ZCCHC7: variants seen among roughly 807,000 people sequenced by gnomAD.
ZCCHC7 encodes the protein zinc finger CCHC-type containing 7, also known as zinc finger CCHC domain-containing protein 7.
A neutral mutation model predicts 52.0 loss-of-function variants in ZCCHC7; 35 were observed. The observed-to-expected ratio is 0.67, with a 90% confidence interval of 0.51 to 0.89. The LOEUF is 0.89. ZCCHC7 is among the 40% of genes least tolerant of loss of function. ZCCHC7 has a pLI of 0.00. For synonymous variants in ZCCHC7, 217 were observed against 221.5 expected (o/e 0.98, Z 0.18); for missense variants, 574 against 649.1 (o/e 0.88, Z 1.26).
intron 2 of ZCCHC7, among the ~76,000 whole-genome samples, chr9:37,181,982 C>T (rs1822381328): frequency 6.6e-6 from 1 of 152,046 alleles, no homozygotes; most frequent in African/African-American, 2.4e-5. Flanking sequence ...CTGTGCCCAG[C>T]CCAAACAGAT....
chr9:37,312,228 C>T (rs1012932487), intron 5 of ZCCHC7, among the ~76,000 whole-genome samples: 8 of 152,164 alleles, frequency 5.3e-5, no homozygotes, highest in African/African-American at 1.7e-4. Context: ...TGTGTAATGG[C>T]GGTTCTACCT....
chr9:37,128,210 A>G (rs1314520275), intron 2 of ZCCHC7, among the ~76,000 whole-genome samples: 1 of 152,216 alleles, frequency 6.6e-6, no homozygotes, highest in East Asian at 1.9e-4. Flanking sequence ...GTGTTGTTGA[A>G]TTATTCCTAA....
chr9:37,201,611 A>G (rs1823634029), intron 2 of ZCCHC7, among the ~76,000 whole-genome samples: 1 of 152,218 alleles, frequency 6.6e-6, no homozygotes, highest in African/African-American at 2.4e-5. Context: ...CTGACTGGAG[A>G]ATCCAGTGGT....
At position 37,307,120 on chromosome 9, in the gene ZCCHC7, A is replaced by G. The variant is rs567594999; in HGVS notation, c.951+1406A>G. 3.3e-5 allele frequency among the ~76,000 whole-genome samples: 5 copies of G among 152,168 alleles called. No homozygotes were observed. The South Asian group carries it at 8.3e-4, about 25-fold the overall frequency. On this transcript the variant is annotated intron_variant, in intron 5 of 8. Transcript: ENST00000336755. ...TTATCAATGATTTTGCTGGTCTAAT[A>G]GTCTAAGGAAAGAAGGACAAGGCAG...
chr9:37,124,787 A>G (rs1045514417), intron 1 of ZCCHC7, among the ~76,000 whole-genome samples: 47 of 152,332 alleles, frequency 3.1e-4, no homozygotes, highest in African/African-American at 1.1e-3. Context: ...GTTTTGTCTC[A>G]ATATTGGGTC....
intron 2 of ZCCHC7, among the ~76,000 whole-genome samples, chr9:37,163,486 T>C (rs929816920): frequency 4.7e-4 from 72 of 152,180 alleles, no homozygotes; most frequent in African/African-American, 1.6e-3. Context: ...AGATTTTCAG[T>C]TCCTCCAAAT....
chr9:37,322,846 G>C (rs1294560677), intron 5 of ZCCHC7, among the ~76,000 whole-genome samples: 1 of 151,908 alleles, frequency 6.6e-6, no homozygotes, highest in Non-Finnish European at 1.5e-5. Context: ...AGTTGACCTT[G>C]GTACAGTAGA....
At chr9:37,219,375 C>T (rs1588500969) in intron 2 of ZCCHC7, among the ~76,000 whole-genome samples, 2 of 152,218 alleles carry the variant, frequency 1.3e-5, no homozygotes, top group East Asian at 3.8e-4. Flanking sequence ...AAAAAGTTTG[C>T]TAACTCCTGC....
At chr9:37,338,413 C>A (rs1006820839) in intron 6 of ZCCHC7, among the ~76,000 whole-genome samples, 1 of 152,084 alleles carries the variant, frequency 6.6e-6, no homozygotes, top group African/African-American at 2.4e-5. Context: ...ATGATGTAAT[C>A]CCTTATACTC....
Position 37,305,634 on chromosome 9 carries a change from A to C in ZCCHC7, c.871A>C (p.Met291Leu), listed in dbSNP as rs905832468. Residue 291 changes from methionine (M) to leucine (L), a missense_variant, in exon 5 of 9, where the codon ATG becomes CTG. Physicochemically the swap from Met to Leu is conservative, Grantham distance 15. Transcript: ENST00000336755. ...PLCEYCPVPKMLDHSCLFRHS... is the reference protein window; with the variant it reads ...PLCEYCPVPKLLDHSCLFRHS... ...TTGCGAATACTGTCCTGTGCCTAAGATGTTGGACCACTCATGTCTTTTCAG... is the reference window on the plus strand; with the variant it reads ...TTGCGAATACTGTCCTGTGCCTAAGCTGTTGGACCACTCATGTCTTTTCAG... 6.2e-7 allele frequency: 1 copy of C among 1,614,062 alleles called. No individual in the cohort carries two copies. The highest frequency in any genetic ancestry group is 8.5e-7 in the Non-Finnish European group (1 of 1,179,984).
intron 2 of ZCCHC7, among the ~76,000 whole-genome samples, chr9:37,195,737 C>T (rs903976698): frequency 2.0e-5 from 3 of 152,084 alleles, no homozygotes; most frequent in Non-Finnish European, 2.9e-5. Flanking sequence ...TGATTTAATG[C>T]GAATTAGCTG....
chr9:37,139,747 A>G (rs986327590), intron 2 of ZCCHC7, among the ~76,000 whole-genome samples: 1 of 151,898 alleles, frequency 6.6e-6, no homozygotes, highest in African/African-American at 2.4e-5. Flanking sequence ...ACTTATAACC[A>G]CCTCAGTGTG....
intron 8 of ZCCHC7, among the ~76,000 whole-genome samples, chr9:37,356,242 C>T (rs532048643): frequency 5.9e-5 from 9 of 152,182 alleles, no homozygotes; most frequent in Non-Finnish European, 1.3e-4. Flanking sequence ...ATCAGAGATC[C>T]GTATTAAGCG....
chr9:37,185,822 A>C (rs1822622241), intron 2 of ZCCHC7, among the ~76,000 whole-genome samples: 1 of 152,196 alleles, frequency 6.6e-6, no homozygotes, highest in Non-Finnish European at 1.5e-5. Context: ...GTTTCCAAAT[A>C]AGGTCACATT....
chr9:37,357,044 G>T lies in ZCCHC7; in HGVS notation c.1408G>T (p.Asp470Tyr), dbSNP rs1821745956. 1.2e-6 allele frequency: 2 copies of T among 1,613,666 alleles called. No individual in the cohort carries two copies. The highest frequency in any genetic ancestry group is 1.7e-5 in the Admixed American group (1 of 59,954). ...GAAGGCTGACAGACATCGTGAAGTG[G>T]ATGAGGATTTTCCCAGGGGCCCCAA... is the stretch of plus-strand genomic sequence containing the variant. The part of the protein sequence containing the change: ...HRKADRHREV[D>Y]EDFPRGPKTY... The change falls in exon 9 of 9, where the codon GAT becomes TAT. Residue 470 changes from aspartate to tyrosine, a missense_variant. Asp to Tyr is a radical substitution (Grantham distance 160). This residue lies in a region of ZCCHC7 where 168 missense variants were observed against 171.6 expected (regional missense o/e 0.98). Coordinates refer to ENST00000336755, the MANE Select transcript of ZCCHC7 (RefSeq NM_032226.3).
chr9:37,274,075 A>G (rs1040577675), intron 2 of ZCCHC7, among the ~76,000 whole-genome samples: 1 of 152,194 alleles, frequency 6.6e-6, no homozygotes. Context: ...GCTTGCTGCC[A>G]GTGCATTTTT....
intron 6 of ZCCHC7, among the ~76,000 whole-genome samples, chr9:37,337,040 A>T: frequency 6.6e-6 from 1 of 152,182 alleles, no homozygotes; most frequent in East Asian, 1.9e-4. Context: ...AGGATTATTT[A>T]ACCTTTCAAT....
intron 2 of ZCCHC7, among the ~76,000 whole-genome samples, chr9:37,210,267 C>G (rs6476618): frequency 1.3e-5 from 2 of 152,176 alleles, no homozygotes; most frequent in South Asian, 4.1e-4. Context: ...CCACTTGACA[C>G]GGAGAATGAC....
At chr9:37,353,335 C>A (rs770368551) in intron 7 of ZCCHC7, among the ~76,000 whole-genome samples, 1 of 152,030 alleles carries the variant, frequency 6.6e-6, no homozygotes, top group Non-Finnish European at 1.5e-5. Context: ...GTTGGAAGGA[C>A]CACTTGAGGC....
Sources: allele counts gnomAD v4.1 joint callset (sites outside exome capture counted in the v4.1 genomes callset), GRCh38; gene constraint gnomAD v4.1.1; regional missense constraint gnomAD v4.1.1; transcripts MANE v1.5; gene names NCBI Gene and HGNC (gene_info 2026-07-23, HGNC 2026-07-21).